Variants in SYK observed in about 807,000 individuals in gnomAD.
SYK encodes tyrosine-protein kinase SYK.
In SYK, 16 loss-of-function variants were observed where a neutral mutation model predicts 77.8. The observed-to-expected ratio is 0.21, with a 90% CI of 0.14 to 0.31. SYK has a LOEUF of 0.31. Among genes scored for constraint, SYK ranks in the 10% least tolerant of loss-of-function variants. The pLI is 1.00. For synonymous variants in SYK, 312 were observed against 308.7 expected (o/e 1.01, Z -0.11); for missense variants, 529 against 814.4 (o/e 0.65, Z 4.26).
chr9:90,868,883 C>T (rs1827620115), intron 7 of SYK, among the ~76,000 whole-genome samples: 1 of 152,098 alleles, frequency 6.6e-6, no homozygotes, highest in Non-Finnish European at 1.5e-5. Context: ...TTGACAAAGT[C>T]TGATAATAAT....
chr9:90,887,405 C>CTTTTTTTTTTTTTTT (rs3056951), intron 11 of SYK, among the ~76,000 whole-genome samples: 2 of 128,934 alleles, frequency 1.6e-5, no homozygotes, highest in Non-Finnish European at 3.2e-5. Context: ...TTCTTTCTTT[C>CTTTTTTTTTTTTTTT]TTTTTTTTTT....
intron 3 of SYK, among the ~76,000 whole-genome samples, chr9:90,849,532 T>C (rs1418580817): frequency 6.6e-6 from 1 of 152,194 alleles, no homozygotes. Context: ...CCTGTCTATG[T>C]TGGGGAGGGA....
intron 3 of SYK, among the ~76,000 whole-genome samples, chr9:90,855,005 CAT>C (rs1262242423): frequency 1.0e-4 from 10 of 97,592 alleles, no homozygotes; most frequent in Non-Finnish European, 1.6e-4. Flanking sequence ...CACACACACA[CAT>C]ACATACACAC....
rs200237145 is a variant in SYK at position 90,843,870 on chromosome 9, G to A, written c.-29G>A. The A allele has an allele frequency of 2.2e-5, 32 of 1,473,728 alleles. 1 individual carries two copies. The highest frequency in any genetic ancestry group is 1.9e-4 in the Middle Eastern group (1 of 5,248). The allele number at this position is 1,473,728 out of a possible 1,614,324, so 91.3% of individuals were successfully genotyped here. A position where few individuals can be genotyped will look rare whatever the true frequency, so the allele number is the denominator to read the frequency against. On this transcript the variant is annotated 5_prime_UTR_variant, in exon 2 of 14. Transcript: ENST00000375754. Reference sequence around the variant, plus strand: ...CTGTCTTGCCCAGGTGGACACCTGCGCAGGTGTGTGCCCTCCGGCCCCTGA... The same window carrying A: ...CTGTCTTGCCCAGGTGGACACCTGCACAGGTGTGTGCCCTCCGGCCCCTGA...
chr9:90,889,531 G>C (rs1177615949), intron 13 of SYK, among the ~76,000 whole-genome samples: 1 of 152,254 alleles, frequency 6.6e-6, no homozygotes, highest in Non-Finnish European at 1.5e-5. Context: ...CTGGGATTCC[G>C]AGACCTCCCC....
chr9:90,862,260 G>A lies in SYK; in HGVS notation c.633G>A (p.Gly211=). Reference sequence around the variant, plus strand: ...ACGCCCTGTGCCTGCTGCACGAAGGGAAGGTGCTGCACTATCGCATCGACA... The same window carrying A: ...ACGCCCTGTGCCTGCTGCACGAAGGAAAGGTGCTGCACTATCGCATCGACA... ...GSYALCLLHE[G]KVLHYRIDKD... Residue 211 remains glycine, a synonymous_variant, in exon 4 of 14, where the codon GGG becomes GGA. Coordinates refer to ENST00000375754, the MANE Select transcript of SYK (RefSeq NM_003177.7). 1 of 1,614,120 alleles carries A rather than the reference G, an allele frequency of 6.2e-7. No homozygotes were observed. Among genetic ancestry groups the A allele is most frequent in the Non-Finnish European group, 8.5e-7 (1 of 1,179,958 alleles).
At position 90,834,153 on chromosome 9, in the gene SYK, G is replaced by A. The variant is rs567848849; in HGVS notation, c.-41-9705G>A. ...CACTGACTTTCCACCATCTTCAGGT[G>A]GGGGTGGGCATGTCCGTCTGTCTCC... On this transcript the variant is annotated intron_variant, in intron 1 of 13. Transcript: ENST00000375754. Among the ~76,000 whole-genome samples the A allele has an allele frequency of 4.7e-5, 7 of 149,662 alleles. No individual in the cohort carries two copies. The South Asian group carries it at 1.2e-3, about 27-fold the overall frequency.
intron 13 of SYK, among the ~76,000 whole-genome samples, chr9:90,894,596 A>G (rs1828912579): frequency 6.6e-6 from 1 of 152,234 alleles, no homozygotes; most frequent in African/African-American, 2.4e-5. Flanking sequence ...CCATTGATAT[A>G]GGTCAAAATG....
At chr9:90,811,086 A>AT (rs1825054770) in intron 1 of SYK, among the ~76,000 whole-genome samples, 1 of 152,182 alleles carries the variant, frequency 6.6e-6, no homozygotes, top group Non-Finnish European at 1.5e-5. Context: ...TTTTAAAATA[A>AT]TTGTGAAGAG....
intron 7 of SYK, among the ~76,000 whole-genome samples, chr9:90,867,669 T>C (rs1827564831): frequency 6.6e-6 from 1 of 152,122 alleles, no homozygotes; most frequent in Non-Finnish European, 1.5e-5. Context: ...GTAACTTCAT[T>C]ATGGCTTAGA....
chr9:90,840,404 G>C (rs971839958), intron 1 of SYK, among the ~76,000 whole-genome samples: 1 of 152,100 alleles, frequency 6.6e-6, no homozygotes, highest in Admixed American at 6.5e-5. Flanking sequence ...AGGGTGGAGT[G>C]GGGGAAAAGC....
intron 11 of SYK, among the ~76,000 whole-genome samples, chr9:90,884,249 A>ACG (rs1828306110): frequency 5.3e-5 from 3 of 56,672 alleles, no homozygotes; most frequent in African/African-American, 7.7e-5. Flanking sequence ...GTATATATAC[A>ACG]CATACACATA....
At chr9:90,892,299 G>A (rs892996774) in intron 13 of SYK, among the ~76,000 whole-genome samples, 4 of 152,138 alleles carry the variant, frequency 2.6e-5, no homozygotes, top group African/African-American at 7.2e-5. Context: ...TGTTAAATAT[G>A]TTTACTCAGG....
At chr9:90,807,708 T>A (rs1824893508) in intron 1 of SYK, among the ~76,000 whole-genome samples, 1 of 152,360 alleles carries the variant, frequency 6.6e-6, no homozygotes, top group East Asian at 1.9e-4. Flanking sequence ...TAATATTTTC[T>A]TTTAGGAAAG....
At chr9:90,868,222 A>G (rs927088050) in intron 7 of SYK, among the ~76,000 whole-genome samples, 4 of 152,242 alleles carry the variant, frequency 2.6e-5, no homozygotes, top group African/African-American at 4.8e-5. Flanking sequence ...TTACACTTGA[A>G]TAAAGTAACT....
At chr9:90,808,229 C>G (rs937893394) in intron 1 of SYK, among the ~76,000 whole-genome samples, 3 of 152,148 alleles carry the variant, frequency 2.0e-5, no homozygotes, top group African/African-American at 7.2e-5. Context: ...AGTCCATCCA[C>G]TTAGTTTTCC....
intron 1 of SYK, among the ~76,000 whole-genome samples, chr9:90,831,315 C>G (rs1457753131): frequency 1.3e-5 from 2 of 152,170 alleles, no homozygotes; most frequent in Non-Finnish European, 2.9e-5. Context: ...AAAGCAGAAG[C>G]CTGGAATCTC....
chr9:90,816,151 C>T (rs1338132382), intron 1 of SYK, among the ~76,000 whole-genome samples: 1 of 152,216 alleles, frequency 6.6e-6, no homozygotes, highest in East Asian at 1.9e-4. Context: ...TCGTGAGAAC[C>T]ACCTAGGCAG....
At chr9:90,835,245 G>A (rs923076466) in intron 1 of SYK, among the ~76,000 whole-genome samples, 1 of 152,170 alleles carries the variant, frequency 6.6e-6, no homozygotes, top group Non-Finnish European at 1.5e-5. Context: ...TTGAGTGTGG[G>A]GGATGTGTTT....
Sources: allele counts gnomAD v4.1 joint callset (sites outside exome capture counted in the v4.1 genomes callset), GRCh38; gene constraint gnomAD v4.1.1; transcripts MANE v1.5; gene names NCBI Gene and HGNC (gene_info 2026-07-23, HGNC 2026-07-21).